The following EYS variants were observed in gnomAD, a reference collection of about 807,000 sequenced individuals.
EYS encodes EGF-like photoreceptor maintenance factor.
Under a neutral mutation model 282.1 loss-of-function variants are expected in EYS, and 250 were observed. That is an observed-to-expected ratio of 0.89 (90% CI 0.80 to 0.98). EYS has a LOEUF of 0.98. Ranked by LOEUF, EYS falls within the 50% of genes least tolerant of loss-of-function variation. The pLI is 0.00. For missense variants in EYS, 4,016 were observed against 3,709.0 expected (o/e 1.08, Z -2.15); for synonymous variants, 1,355 against 1,282.9 (o/e 1.06, Z -1.20).
intron 29 of EYS, among the ~76,000 whole-genome samples, chr6:64,347,860 T>C (rs1174530037): frequency 6.6e-6 from 1 of 151,404 alleles, no homozygotes; most frequent in African/African-American, 2.4e-5. Flanking sequence ...ACTCTCACCT[T>C]GTAAACTTTC....
intron 14 of EYS, among the ~76,000 whole-genome samples, chr6:64,950,149 T>A (rs1340902606): frequency 6.6e-6 from 1 of 151,954 alleles, no homozygotes; most frequent in Non-Finnish European, 1.5e-5. Context: ...AACACAGACT[T>A]ACATGAAGTG....
At chr6:65,452,886 TA>T (rs1182878988) in intron 5 of EYS, among the ~76,000 whole-genome samples, 1 of 152,002 alleles carries the variant, frequency 6.6e-6, no homozygotes, top group Admixed American at 6.6e-5. Flanking sequence ...CAACAAACTG[TA>T]ACAGGCAATC....
At chr6:64,326,338 G>A (rs753923463) in intron 29 of EYS, among the ~76,000 whole-genome samples, 1 of 152,002 alleles carries the variant, frequency 6.6e-6, no homozygotes, top group Non-Finnish European at 1.5e-5. Flanking sequence ...TACCTCCCTA[G>A]CATGCCTGCA....
intron 12 of EYS, among the ~76,000 whole-genome samples, chr6:65,173,248 C>A (rs1185712416): frequency 6.6e-6 from 1 of 151,198 alleles, no homozygotes; most frequent in Non-Finnish European, 1.5e-5. Flanking sequence ...GTCTGTAGTT[C>A]TTTTGGAACA....
At chr6:65,422,116 G>C (rs1767489190) in intron 5 of EYS, among the ~76,000 whole-genome samples, 1 of 151,882 alleles carries the variant, frequency 6.6e-6, no homozygotes, top group South Asian at 2.1e-4. Flanking sequence ...GCACATTACA[G>C]CAAGGCACAA....
At chr6:65,197,616 G>C (rs1765801881) in intron 12 of EYS, among the ~76,000 whole-genome samples, 1 of 152,072 alleles carries the variant, frequency 6.6e-6, no homozygotes, top group Non-Finnish European at 1.5e-5. Context: ...GCATCCTTTA[G>C]TGATTTCATC....
At chr6:65,376,782 T>C (rs1312754373) in intron 8 of EYS, among the ~76,000 whole-genome samples, 1 of 152,170 alleles carries the variant, frequency 6.6e-6, no homozygotes, top group Non-Finnish European at 1.5e-5. Flanking sequence ...AAGAAGGGCA[T>C]TACATAATGG....
intron 35 of EYS, among the ~76,000 whole-genome samples, chr6:63,875,510 C>G (rs1178216407): frequency 1.3e-5 from 2 of 152,204 alleles, no homozygotes; most frequent in Non-Finnish European, 1.5e-5. Flanking sequence ...AGGAGTCCCT[C>G]TTTTTCTATT....
Position 65,363,714 on chromosome 6 carries a change from T to C in EYS, c.1300-10097A>G, listed in dbSNP as rs1164547524. On this transcript the variant is annotated intron_variant, in intron 8 of 42. Transcript: ENST00000503581. ...ATTTAGTAGCATTTATTTAGATAAC[T>C]TCAATCTATCAGTAGTTTGCATTTT... is the stretch of plus-strand genomic sequence containing the variant. Among the ~76,000 whole-genome samples, 3 of 152,050 alleles carry C rather than the reference T, an allele frequency of 2.0e-5. No homozygotes were observed. The East Asian group carries it at 5.8e-4, about 29-fold the overall frequency.
intron 12 of EYS, among the ~76,000 whole-genome samples, chr6:65,210,647 A>C (rs1016525091): frequency 2.0e-5 from 3 of 152,018 alleles, no homozygotes; most frequent in African/African-American, 7.2e-5. Flanking sequence ...AATAAATAAT[A>C]GTGTATTATA....
chr6:64,237,585 G>C (rs984143089), intron 30 of EYS, among the ~76,000 whole-genome samples: 1 of 152,042 alleles, frequency 6.6e-6, no homozygotes, highest in Non-Finnish European at 1.5e-5. Context: ...GTGGCTAACA[G>C]GAATAAATCC....
chr6:65,081,723 A>G lies in EYS; in HGVS notation c.2024-23996T>C, dbSNP rs1015935715. Among the ~76,000 whole-genome samples, 6 of 152,072 alleles carry G rather than the reference A, an allele frequency of 3.9e-5. 1 individual carries two copies. The highest frequency in any genetic ancestry group is 3.9e-4 in the East Asian group (2 of 5,178). ...AAAAAATGAGATTCATTGATTTTTA[A>G]TCTACATTTTTCTATTCATCTTGAG... On this transcript the variant is annotated intron_variant, in intron 12 of 42. Coordinates refer to ENST00000503581, the MANE Select transcript of EYS (RefSeq NM_001142800.2).
At chr6:64,702,902 C>T (rs1770839152) in intron 22 of EYS, among the ~76,000 whole-genome samples, 1 of 151,428 alleles carries the variant, frequency 6.6e-6, no homozygotes, top group South Asian at 2.1e-4. Flanking sequence ...AAAAGCAATG[C>T]TTTGCAAGTC....
chr6:64,122,429 C>T (rs113482213), intron 31 of EYS, among the ~76,000 whole-genome samples: 10,363 of 152,072 alleles, frequency 0.068, 1,081 homozygotes, highest in African/African-American at 0.23. Flanking sequence ...TTTTCTAAGG[C>T]TACTATTCAC....
intron 24 of EYS, 37 bp from the exon 25 acceptor site, chr6:64,593,346 G>T: frequency 6.7e-7 from 1 of 1,484,496 alleles, no homozygotes; most frequent in Non-Finnish European, 9.1e-7. Context: ...ATTAAGCTCA[G>T]TTTCTTTGTT....
intron 35 of EYS, among the ~76,000 whole-genome samples, chr6:63,923,021 C>G (rs1212716676): frequency 1.3e-5 from 2 of 152,148 alleles, no homozygotes; most frequent in African/African-American, 2.4e-5. Flanking sequence ...TCTGGGGTCC[C>G]TTTGAGTTGT....
intron 36 of EYS, among the ~76,000 whole-genome samples, chr6:63,863,404 A>G (rs1053015550): frequency 2.0e-4 from 31 of 152,258 alleles, no homozygotes; most frequent in African/African-American, 7.0e-4. Context: ...TCTATTGTTT[A>G]TGATTTAGTT....
intron 35 of EYS, among the ~76,000 whole-genome samples, chr6:63,929,869 G>C (rs1024329915): frequency 2.0e-5 from 3 of 152,160 alleles, no homozygotes; most frequent in African/African-American, 7.2e-5. Flanking sequence ...TGCTAAGGAA[G>C]AGTTTAGTTC....
chr6:64,429,415 G>A (rs962950767), intron 28 of EYS, among the ~76,000 whole-genome samples: 1 of 152,194 alleles, frequency 6.6e-6, no homozygotes, highest in African/African-American at 2.4e-5. Context: ...TGGATCAGTT[G>A]AGGTCAGGAG....
Sources: allele counts gnomAD v4.1 joint callset (sites outside exome capture counted in the v4.1 genomes callset), GRCh38; gene constraint gnomAD v4.1.1; transcripts MANE v1.5; gene names NCBI Gene and HGNC (gene_info 2026-07-23, HGNC 2026-07-21).